The following GLYATL1B variants were observed in gnomAD, a reference collection of about 807,000 sequenced individuals.
GLYATL1B encodes the protein putative glycine N-acyltransferase-like protein 1B.
In GLYATL1B, 6 loss-of-function variants were observed where a neutral mutation model predicts 5.5. The ratio of observed to expected loss-of-function variants is 1.09; its 90% CI spans 0.60 to 2.15. The LOEUF is 2.15. Among genes scored for constraint, GLYATL1B ranks in the 30% most tolerant of loss-of-function variants. The pLI is 0.00. For missense variants in GLYATL1B, 135 were observed against 94.1 expected (o/e 1.43, Z -1.80); for synonymous variants, 67 against 34.9 (o/e 1.92, Z -3.24).
chr11:59,088,597 G>T (rs1859241694), intron 2 of GLYATL1B, among the ~76,000 whole-genome samples: 1 of 152,166 alleles, frequency 6.6e-6, no homozygotes, highest in African/African-American at 2.4e-5. Context: ...GAACCAAATA[G>T]TTCTTTTTAC....
intron 2 of GLYATL1B, 105 bp from the exon 3 acceptor site, chr11:59,093,424 G>A (rs1859362146): frequency 2.4e-6 from 1 of 416,016 alleles, no homozygotes; most frequent in East Asian, 3.5e-5. Flanking sequence ...TCGTGGGCTA[G>A]TGCTAAAACT....
intron 2 of GLYATL1B, among the ~76,000 whole-genome samples, chr11:59,087,717 C>T (rs752906751): frequency 1.2e-4 from 18 of 152,072 alleles, no homozygotes; most frequent in Non-Finnish European, 2.4e-4. Flanking sequence ...CATGGTGATG[C>T]GTGCCTATAC....
At chr11:59,094,282 A>C in intron 4 of GLYATL1B, 87 bp from the exon 5 acceptor site, 2 of 486,284 alleles carry the variant, frequency 4.1e-6, no homozygotes, top group Non-Finnish European at 7.4e-6. Flanking sequence ...TAACAAGAAG[A>C]GGGCCTGGGA....
intron 1 of GLYATL1B, among the ~76,000 whole-genome samples, chr11:59,086,851 C>T (rs983726629): frequency 3.3e-5 from 5 of 152,206 alleles, no homozygotes; most frequent in Non-Finnish European, 5.9e-5. Flanking sequence ...CACAGTAGCT[C>T]TGTGGTATCA....
chr11:59,091,580 G>A (rs1247663857), intron 2 of GLYATL1B, among the ~76,000 whole-genome samples: 2 of 152,174 alleles, frequency 1.3e-5, no homozygotes. Flanking sequence ...AGTTATGAGT[G>A]AAAACGTGAT....
chr11:59,086,691 T>TTGTGCC (rs1352841649), intron 1 of GLYATL1B, among the ~76,000 whole-genome samples: 1 of 152,224 alleles, frequency 6.6e-6, no homozygotes, highest in Admixed American at 6.5e-5. Context: ...TCAGATATCA[T>TTGTGCC]TGTGCCTGTG....
chr11:59,093,031 G>C (rs558795021), intron 2 of GLYATL1B, among the ~76,000 whole-genome samples: 28 of 152,212 alleles, frequency 1.8e-4, no homozygotes, highest in Non-Finnish European at 2.2e-4. Context: ...CTATCAACAC[G>C]GACTCAGTAC....
At chr11:59,088,311 T>C (rs1283469481) in intron 2 of GLYATL1B, among the ~76,000 whole-genome samples, 4 of 152,194 alleles carry the variant, frequency 2.6e-5, no homozygotes, top group Non-Finnish European at 4.4e-5. Context: ...GAAATAGTAA[T>C]ACAAACCTAG....
chr11:59,093,836 C>A, intron 3 of GLYATL1B, 98 bp from the exon 4 acceptor site: 2 of 484,242 alleles, frequency 4.1e-6, no homozygotes, highest in Non-Finnish European at 7.4e-6. Flanking sequence ...GTAAACTCAA[C>A]TTTGAGAACT....
intron 2 of GLYATL1B, among the ~76,000 whole-genome samples, chr11:59,087,611 A>G (rs552575201): frequency 1.7e-4 from 26 of 152,282 alleles, no homozygotes; most frequent in African/African-American, 5.8e-4. Context: ...TTGGGAGGCC[A>G]AGGCAGGAGG....
chr11:59,087,151 A>G lies in GLYATL1B; in HGVS notation c.166A>G (p.Ile56Val), dbSNP rs1590869668. Residue 56 changes from isoleucine (I) to valine (V), a missense_variant, in exon 2 of 5, where the codon ATT becomes GTT. By Grantham distance (29) the Ile-to-Val change is conservative. Transcript: ENST00000527482. Reference protein sequence around the residue: ...VDSWPEYQMVIIRPQKQEMTD... With the variant: ...VDSWPEYQMVVIRPQKQEMTD... ...CTCCTGGCCCGAGTATCAGATGGTTATTATCCGACCTCAAAAACAGGTAGG... is the reference window on the plus strand; with the variant it reads ...CTCCTGGCCCGAGTATCAGATGGTTGTTATCCGACCTCAAAAACAGGTAGG... 2 of 632,614 alleles carry G rather than the reference A, an allele frequency of 3.2e-6. No individual in the cohort carries two copies. The highest frequency in any genetic ancestry group is 2.9e-6 in the Non-Finnish European group (1 of 350,732). 39.2% of individuals were successfully genotyped at this position (632,614 alleles called of 1,614,324 possible). A position where few individuals can be genotyped will look rare whatever the true frequency, so the allele number is the denominator to read the frequency against.
chr11:59,087,273 T>C (rs1859210064), intron 2 of GLYATL1B, 102 bp downstream of exon 2: 1 of 440,612 alleles, frequency 2.3e-6, no homozygotes, highest in African/African-American at 2.0e-5. Flanking sequence ...TGAAAGGAAA[T>C]GTGAGTATTT....
At chr11:59,089,352 C>A (rs1859259942) in intron 2 of GLYATL1B, among the ~76,000 whole-genome samples, 1 of 152,184 alleles carries the variant, frequency 6.6e-6, no homozygotes, top group African/African-American at 2.4e-5. Flanking sequence ...GGAAACTTTT[C>A]TCAATGCAAT....
intron 1 of GLYATL1B, 27 bp downstream of exon 1, chr11:59,086,411 A>T (rs1442689388): frequency 2.5e-6 from 1 of 398,548 alleles, no homozygotes. Context: ...AGGTTGGGGT[A>T]TGGGAGTAGG....
intron 1 of GLYATL1B, 26 bp from the exon 2 acceptor site, chr11:59,087,038 C>T: frequency 1.6e-6 from 1 of 621,054 alleles, no homozygotes; most frequent in Non-Finnish European, 2.9e-6. Context: ...CTCAGCCTCT[C>T]CTATTCCCTT....
Position 59,087,556 on chromosome 11 carries a change from A to C in GLYATL1B, c.186+385A>C, listed in dbSNP as rs530311311. On this transcript the variant is annotated intron_variant, in intron 2 of 4. Transcript: ENST00000527482. ...GGCAGTAGTCTACCAGTAAAATTAC[A>C]TCTCATGGCCAGGCATGATGTCTTT... Among the ~76,000 whole-genome samples the C allele has an allele frequency of 1.3e-4, 20 of 152,264 alleles. No individual in the cohort carries two copies. In the South Asian group the frequency reaches 1.5e-3, roughly 11 times the overall value.
At chr11:59,090,847 A>G (rs1365763915) in intron 2 of GLYATL1B, among the ~76,000 whole-genome samples, 3 of 152,108 alleles carry the variant, frequency 2.0e-5, no homozygotes, top group Non-Finnish European at 4.4e-5. Flanking sequence ...TAAAAGTTCT[A>G]TCCTTGTCTC....
At position 59,086,878 on chromosome 11, in the gene GLYATL1B, T is replaced by G. The variant is rs140476421; in HGVS notation, c.79-186T>G. 3.7e-3 allele frequency among the ~76,000 whole-genome samples: 563 copies of G among 151,502 alleles called. 4 individuals carry two copies. The highest frequency in any genetic ancestry group is 0.016 in the South Asian group (79 of 4,822). On this transcript the variant is annotated intron_variant, in intron 1 of 4. Transcript: ENST00000527482. ...GTGGTATCACAAGAACACCTCCCTG[T>G]GAGTTCTGCCTGTTTGCTGGTGACT...
intron 2 of GLYATL1B, among the ~76,000 whole-genome samples, chr11:59,088,287 TAC>T (rs1242504186): frequency 2.9e-4 from 44 of 152,204 alleles, no homozygotes; most frequent in African/African-American, 1.0e-3. Context: ...ACACAAGGAA[TAC>T]ACGATTAAGC....
Sources: allele counts gnomAD v4.1 joint callset (sites outside exome capture counted in the v4.1 genomes callset), GRCh38; gene constraint gnomAD v4.1.1; transcripts MANE v1.5; gene names NCBI Gene and HGNC (gene_info 2026-07-23, HGNC 2026-07-21).